STXBP5L: variants seen among roughly 807,000 people sequenced by gnomAD.
STXBP5L encodes the protein syntaxin-binding protein 5-like.
In STXBP5L, 65 loss-of-function variants were observed where a neutral mutation model predicts 144.5. The ratio of observed to expected loss-of-function variants is 0.45; its 90% confidence interval spans 0.37 to 0.55. The LOEUF (loss-of-function observed/expected upper bound fraction) is 0.55, where lower values mean the gene tolerates loss of function less well. Among genes scored for constraint, STXBP5L ranks in the 20% least tolerant of loss-of-function variants. STXBP5L has a pLI of 0.00. For synonymous variants in STXBP5L, 505 were observed against 469.6 expected (o/e 1.08, Z -0.97); for missense variants, 1,298 against 1,405.5 (o/e 0.92, Z 1.22).
chr3:121,321,553 G>T (rs2043971065), intron 20 of STXBP5L, among the ~76,000 whole-genome samples: 1 of 152,198 alleles, frequency 6.6e-6, no homozygotes, highest in Non-Finnish European at 1.5e-5. Flanking sequence ...GCTGCATTCT[G>T]ATTCAGTAGA....
chr3:121,363,995 A>T (rs1386914252), intron 20 of STXBP5L, among the ~76,000 whole-genome samples: 1 of 151,420 alleles, frequency 6.6e-6, no homozygotes, highest in Non-Finnish European at 1.5e-5. Flanking sequence ...TGGCCTTTTT[A>T]CTCTGTTGAT....
At chr3:121,066,279 A>G (rs1036419447) in intron 5 of STXBP5L, among the ~76,000 whole-genome samples, 5 of 151,842 alleles carry the variant, frequency 3.3e-5, no homozygotes, top group Non-Finnish European at 5.9e-5. Context: ...TTCACCTTTA[A>G]GTGTGATATT....
At chr3:120,982,188 G>C (rs1437890027) in intron 3 of STXBP5L, among the ~76,000 whole-genome samples, 3 of 152,166 alleles carry the variant, frequency 2.0e-5, no homozygotes, top group Non-Finnish European at 4.4e-5. Flanking sequence ...AGAAGCAGAT[G>C]GGTATGGGCT....
chr3:121,051,835 C>T (rs527633792), intron 5 of STXBP5L, among the ~76,000 whole-genome samples: 14 of 151,998 alleles, frequency 9.2e-5, no homozygotes, highest in Middle Eastern at 3.4e-3. Context: ...ATTGATAGAC[C>T]GCTAGCAAGA....
intron 3 of STXBP5L, among the ~76,000 whole-genome samples, chr3:120,976,929 T>G (rs1941105617): frequency 6.6e-6 from 1 of 152,192 alleles, no homozygotes; most frequent in South Asian, 2.1e-4. Context: ...ATAATTTCTG[T>G]TCTTTTACAT....
At chr3:121,080,732 A>G (rs1320407127) in intron 5 of STXBP5L, among the ~76,000 whole-genome samples, 2 of 152,034 alleles carry the variant, frequency 1.3e-5, no homozygotes, top group Admixed American at 6.5e-5. Flanking sequence ...GTTTTTCTTT[A>G]TAGGTTATCT....
intron 3 of STXBP5L, among the ~76,000 whole-genome samples, chr3:120,977,318 T>G (rs1941172849): frequency 6.6e-6 from 1 of 152,206 alleles, no homozygotes; most frequent in African/African-American, 2.4e-5. Context: ...TTTGTCCCTT[T>G]TGATCTTTGT....
chr3:121,165,735 T>G (rs1257119751), intron 9 of STXBP5L, among the ~76,000 whole-genome samples: 3 of 151,916 alleles, frequency 2.0e-5, no homozygotes, highest in South Asian at 2.1e-4. Flanking sequence ...AGGTTACCAC[T>G]CCCAAACAGA....
chr3:121,380,140 G>C (rs1244250862), intron 21 of STXBP5L, among the ~76,000 whole-genome samples: 4 of 152,126 alleles, frequency 2.6e-5, no homozygotes, highest in Non-Finnish European at 5.9e-5. Flanking sequence ...ACTGTAATGA[G>C]AGGTGGGAAT....
At chr3:121,015,538 G>T (rs899859488) in intron 3 of STXBP5L, among the ~76,000 whole-genome samples, 8 of 152,062 alleles carry the variant, frequency 5.3e-5, no homozygotes, top group African/African-American at 1.9e-4. Flanking sequence ...GCTGAATGTG[G>T]GACTAGCATG....
intron 9 of STXBP5L, among the ~76,000 whole-genome samples, chr3:121,160,484 T>A (rs568306064): frequency 7.2e-4 from 110 of 152,316 alleles, no homozygotes; most frequent in African/African-American, 2.5e-3. Context: ...TCACACTGTA[T>A]TGCATATAAG....
intron 9 of STXBP5L, among the ~76,000 whole-genome samples, chr3:121,163,589 TA>T (rs1319808028): frequency 1.3e-5 from 2 of 151,894 alleles, no homozygotes; most frequent in Non-Finnish European, 2.9e-5. Context: ...TAAAATTTAA[TA>T]AACAATAAAA....
At chr3:120,961,777 G>C (rs1281604833) in intron 3 of STXBP5L, among the ~76,000 whole-genome samples, 1 of 152,016 alleles carries the variant, frequency 6.6e-6, no homozygotes, top group African/African-American at 2.4e-5. Flanking sequence ...ATAATCCTTT[G>C]GGTCTATACC....
chr3:121,253,316 T>G (rs1177780780), intron 15 of STXBP5L, among the ~76,000 whole-genome samples: 1 of 151,972 alleles, frequency 6.6e-6, no homozygotes, highest in Admixed American at 6.6e-5. Flanking sequence ...CAAATATTCC[T>G]TTCCTCTCCC....
chr3:121,096,757 C>G (rs1256127828), intron 5 of STXBP5L, among the ~76,000 whole-genome samples: 1 of 152,162 alleles, frequency 6.6e-6, no homozygotes, highest in African/African-American at 2.4e-5. Context: ...CCAGCCAGAG[C>G]TCTCCTGTAT....
At chr3:121,313,883 A>G (rs191304348) in intron 19 of STXBP5L, among the ~76,000 whole-genome samples, 2 of 132,732 alleles carry the variant, frequency 1.5e-5, no homozygotes, top group Non-Finnish European at 3.2e-5. Context: ...TCTCAGACGG[A>G]GCGGCCGGGC....
intron 7 of STXBP5L, among the ~76,000 whole-genome samples, chr3:121,124,510 C>T (rs2044615104): frequency 6.6e-6 from 1 of 151,904 alleles, no homozygotes; most frequent in Non-Finnish European, 1.5e-5. Flanking sequence ...CTTGTGCTAG[C>T]TCAATTCGAT....
chr3:121,128,878 A>G (rs1440639073), intron 7 of STXBP5L, among the ~76,000 whole-genome samples: 3 of 152,098 alleles, frequency 2.0e-5, no homozygotes, highest in Admixed American at 6.6e-5. Flanking sequence ...TCTATTGATT[A>G]AAAAAGGAGC....
chr3:120,982,155 C>G (rs1003398013), intron 3 of STXBP5L, among the ~76,000 whole-genome samples: 17 of 152,156 alleles, frequency 1.1e-4, no homozygotes, highest in Admixed American at 9.2e-4. Flanking sequence ...TAGGTAGCAT[C>G]TATGTGTAAG....
Sources: allele counts gnomAD v4.1 joint callset (sites outside exome capture counted in the v4.1 genomes callset), GRCh38; gene constraint gnomAD v4.1.1; transcripts MANE v1.5; gene names NCBI Gene and HGNC (gene_info 2026-07-23, HGNC 2026-07-21).